Variants in ABLIM2 observed in about 807,000 individuals in gnomAD.
ABLIM2 encodes the protein actin-binding LIM protein 2.
ABLIM2 carries 53 observed loss-of-function variants against 97.7 expected under a neutral mutation model. The observed-to-expected ratio is 0.54, with a 90% CI of 0.44 to 0.68. ABLIM2 has a LOEUF of 0.68. ABLIM2 is among the 30% of genes least tolerant of loss of function. The pLI is 0.00. For synonymous variants in ABLIM2, 361 were observed against 345.8 expected, an observed-to-expected ratio of 1.04 and a Z score of -0.49; for missense variants, 835 against 867.2, an observed-to-expected ratio of 0.96 and a Z score of 0.47.
At position 8,021,395 on chromosome 4, in the gene ABLIM2, G is replaced by A. The variant is rs1169587841; in HGVS notation, c.1268-1092C>T. On this transcript the variant is annotated intron_variant, in intron 12 of 20. Coordinates refer to ENST00000447017, the MANE Select transcript of ABLIM2 (RefSeq NM_001130083.2). This position sits in a 1 kb window ranked among gnomAD's most constrained non-coding sequence, Gnocchi z 5.5. ...ATGCTTGTGATGAGAGAAGGTGTAC[G>A]CTCCCTGCAGAAGACACTCCCAAGG... Among the ~76,000 whole-genome samples the A allele has an allele frequency of 6.6e-6, 1 of 152,096 alleles. No homozygotes were observed. The highest frequency in any genetic ancestry group is 1.5e-5 in the Non-Finnish European group (1 of 68,020).
rs898085376 is a variant in ABLIM2 at position 8,098,959 on chromosome 4, G to T, written c.155-1677C>A. Among the ~76,000 whole-genome samples, 4 of 152,336 alleles carry T rather than the reference G, an allele frequency of 2.6e-5. No homozygotes were observed. The South Asian group carries it at 8.3e-4, about 32-fold the overall frequency. ...GAAATCCCATCTAGATGGTCTGGGA[G>T]GGATGAGGGCATGGTATAAGATGCC... On this transcript the variant is annotated intron_variant, in intron 2 of 20. Transcript: ENST00000447017.
At position 8,036,140 on chromosome 4, in the gene ABLIM2, G is replaced by C. The variant is rs534009379; in HGVS notation, c.1047+9C>G. 1.2e-6 allele frequency: 2 copies of C among 1,613,402 alleles called. No homozygotes were observed. On this transcript the variant is annotated intron_variant, in intron 10 of 20. Transcript: ENST00000447017. ...CAGGTGTCCAGGGCCATGTGGGCAG[G>C]GTCCATACCTCGCCGTAGCTCTGCC...
In ABLIM2 at chr4:8,033,555, T is replaced by C. The variant is rs1290186541; in HGVS notation, c.1047+2594A>G. ...TGTCCACCTGCCGAGGCAGGCCCCATGGGGTCGCACTTTATGGCTGAGAGC... is the reference window on the plus strand; with the variant it reads ...TGTCCACCTGCCGAGGCAGGCCCCACGGGGTCGCACTTTATGGCTGAGAGC... On this transcript the variant is annotated intron_variant, in intron 10 of 20. Transcript: ENST00000447017. This position sits in a 1 kb window ranked among gnomAD's most constrained non-coding sequence, Gnocchi z 4.5. Among the ~76,000 whole-genome samples, 1 of 152,104 alleles carries C rather than the reference T, an allele frequency of 6.6e-6. No homozygotes were observed. Among genetic ancestry groups the C allele is most frequent in the Non-Finnish European group, 1.5e-5 (1 of 68,012 alleles).
At position 8,020,313 on chromosome 4, in the gene ABLIM2, G is replaced by C; in HGVS notation, c.1268-10C>G. 6.2e-7 allele frequency: 1 copy of C among 1,610,522 alleles called. No homozygotes were observed. Among genetic ancestry groups the C allele is most frequent in the South Asian group, 1.1e-5 (1 of 90,754 alleles). Reference sequence around the variant, plus strand: ...CGGCCACTTTCACTGCCTCCAGACGGAAGGGCAAAGGCAGCAGATAGAAGG... The same window carrying C: ...CGGCCACTTTCACTGCCTCCAGACGCAAGGGCAAAGGCAGCAGATAGAAGG... On this transcript the variant is annotated splice_polypyrimidine_tract_variant and intron_variant, in intron 12 of 20. Transcript: ENST00000447017.
chr4:8,066,331 AAGG>A (rs1261955963), intron 6 of ABLIM2, among the ~76,000 whole-genome samples: 2 of 136,032 alleles, frequency 1.5e-5, no homozygotes, highest in African/African-American at 5.4e-5. Flanking sequence ...AGAAAAAAGA[AAGG>A]AGGGAGGGAG....
chr4:8,091,280 AT>A (rs140398497), intron 3 of ABLIM2, among the ~76,000 whole-genome samples: 32,931 of 65,962 alleles, frequency 0.5, 9,714 homozygotes, highest in Non-Finnish European at 0.59. Flanking sequence ...TATATATATA[AT>A]TATATATAAT....
Position 7,998,522 on chromosome 4 carries a change from G to C in ABLIM2, c.1619-5595C>G. Reference sequence around the variant, plus strand: ...AAATGCCCTTCTTGGGGTGTCCTGTGTCGCTGGGTGGGGGTGGGAGATGCC... The same window carrying C: ...AAATGCCCTTCTTGGGGTGTCCTGTCTCGCTGGGTGGGGGTGGGAGATGCC... On this transcript the variant is annotated intron_variant, in intron 16 of 20. Coordinates refer to ENST00000447017, the MANE Select transcript of ABLIM2 (RefSeq NM_001130083.2). The surrounding 1 kb of genome is among the most constrained non-coding windows in gnomAD (Gnocchi z 6.4). 2.2e-6 allele frequency: 1 copy of C among 446,962 alleles called. No individual in the cohort carries two copies. Among genetic ancestry groups the C allele is most frequent in the Admixed American group, 2.4e-5 (1 of 42,284 alleles). 27.7% of individuals were successfully genotyped at this position (446,962 alleles called of 1,614,324 possible). A position where few individuals can be genotyped will look rare whatever the true frequency, so the allele number is the denominator to read the frequency against.
intron 9 of ABLIM2, among the ~76,000 whole-genome samples, chr4:8,042,839 C>CAAA (rs35649540): frequency 1.1e-4 from 7 of 62,370 alleles, no homozygotes; most frequent in African/African-American, 2.3e-4. Flanking sequence ...AACTCCAACT[C>CAAA]AAAAAAAAAA....
chr4:8,115,623 C>A (rs1231414334), intron 1 of ABLIM2, among the ~76,000 whole-genome samples: 1 of 152,214 alleles, frequency 6.6e-6, no homozygotes, highest in Non-Finnish European at 1.5e-5. Context: ...TCTGAGCTCC[C>A]CACGGGCTGT....
chr4:8,122,451 C>G lies in ABLIM2; in HGVS notation c.11-15814G>C, dbSNP rs577644217. ...TCTGATATTAGGGCAGCAGCATGCT[C>G]GGTCCCTGGTGAGGGCTCCCTTCCT... On this transcript the variant is annotated intron_variant, in intron 1 of 20. Coordinates refer to ENST00000447017, the MANE Select transcript of ABLIM2 (RefSeq NM_001130083.2). The surrounding 1 kb of genome is among the most constrained non-coding windows in gnomAD (Gnocchi z 4.1). Among the ~76,000 whole-genome samples, 2 of 152,302 alleles carry G rather than the reference C, an allele frequency of 1.3e-5. No homozygotes were observed. Among genetic ancestry groups the G allele is most frequent in the East Asian group, 3.9e-4 (2 of 5,180 alleles).
intron 6 of ABLIM2, among the ~76,000 whole-genome samples, chr4:8,063,891 C>G (rs1805152065): frequency 6.6e-6 from 1 of 152,244 alleles, no homozygotes; most frequent in African/African-American, 2.4e-5. Context: ...GCTACAGCCC[C>G]AGTCCACATT....
At chr4:8,009,020 T>C (rs1483247208) in intron 15 of ABLIM2, 30 bp downstream of exon 15, 3 of 1,612,832 alleles carry the variant, frequency 1.9e-6, no homozygotes, top group Admixed American at 3.3e-5. Context: ...AGCAAGGCTG[T>C]TCTCAGCCAG....
intron 2 of ABLIM2, among the ~76,000 whole-genome samples, chr4:8,098,192 A>G (rs1032139291): frequency 7.3e-5 from 11 of 150,950 alleles, no homozygotes; most frequent in African/African-American, 2.5e-4. Context: ...TGCTAGAGTC[A>G]CAGAGGAACC....
chr4:8,082,024 G>C lies in ABLIM2; in HGVS notation c.455-1222C>G, dbSNP rs182303002. ...GTGAGAGTGTGTCTGTGTGTTTGTC[G>C]AAGTGTGTGTCTGCGTGTGTTTAAG... is the stretch of plus-strand genomic sequence containing the variant. On this transcript the variant is annotated intron_variant, in intron 4 of 20. Coordinates refer to ENST00000447017, the MANE Select transcript of ABLIM2 (RefSeq NM_001130083.2). This position sits in a 1 kb window ranked among gnomAD's most constrained non-coding sequence, Gnocchi z 5.6. 6.6e-6 allele frequency among the ~76,000 whole-genome samples: 1 copy of C among 152,110 alleles called. No individual in the cohort carries two copies.
intron 17 of ABLIM2, among the ~76,000 whole-genome samples, chr4:7,988,650 CT>C (rs1746320561): frequency 6.6e-6 from 1 of 152,284 alleles, no homozygotes; most frequent in East Asian, 1.9e-4. Flanking sequence ...GCAGGAATTG[CT>C]TTTTAAATAA....
intron 1 of ABLIM2, among the ~76,000 whole-genome samples, chr4:8,135,182 A>C (rs1850013106): frequency 1.3e-5 from 2 of 152,226 alleles, no homozygotes; most frequent in South Asian, 4.1e-4. Context: ...TCCAGAATAA[A>C]AGCTACTAAG....
Position 8,058,112 on chromosome 4 carries a change from G to C in ABLIM2, c.763+2855C>G, listed in dbSNP as rs1380806636. ...TTGTTCCTGAGATGAGGTTACCCTT[G>C]ATGTGAACTCGTGTCCCCGAGCTGC... On this transcript the variant is annotated intron_variant, in intron 7 of 20. Transcript: ENST00000447017. This position sits in a 1 kb window ranked among gnomAD's most constrained non-coding sequence, Gnocchi z 4.2. Among the ~76,000 whole-genome samples the C allele has an allele frequency of 6.6e-6, 1 of 152,246 alleles. No individual in the cohort carries two copies. The highest frequency in any genetic ancestry group is 1.5e-5 in the Non-Finnish European group (1 of 68,040).
intron 1 of ABLIM2, among the ~76,000 whole-genome samples, chr4:8,133,873 C>T (rs180911980): frequency 5.3e-5 from 8 of 152,342 alleles, no homozygotes; most frequent in African/African-American, 1.9e-4. Context: ...ACACCACAGT[C>T]CTGAGTGCCA....
intron 5 of ABLIM2, among the ~76,000 whole-genome samples, chr4:8,079,417 T>G (rs943799096): frequency 1.9e-4 from 29 of 152,150 alleles, no homozygotes; most frequent in African/African-American, 6.3e-4. Context: ...GGCTGGGCAT[T>G]TTCATTTTAT....
Sources: gnomAD v4.1 joint callset for allele counts (sites outside exome capture counted in the v4.1 genomes callset) on GRCh38, gnomAD v4.1.1 for gene constraint, Gnocchi (gnomAD v3.1) non-coding constraint, MANE v1.5 for transcripts, NCBI Gene and HGNC (gene_info 2026-07-23, HGNC 2026-07-21) for gene names.